Variants in CAST observed in about 807,000 individuals in gnomAD.
CAST encodes the protein MIR583 host.
CAST carries 76 observed loss-of-function variants against 119.6 expected under a neutral mutation model. That is an observed-to-expected ratio of 0.64 (90% CI 0.53 to 0.77). The LOEUF is 0.77. Ranked by LOEUF, CAST falls within the 30% of genes least tolerant of loss-of-function variation. The probability of loss-of-function intolerance (pLI) is 0.00; values close to 1 mark genes in which losing one functional copy is unlikely to be tolerated. For missense variants in CAST, 953 were observed against 946.5 expected, an observed-to-expected ratio of 1.01 and a Z score of -0.09; for synonymous variants, 319 against 331.6, an observed-to-expected ratio of 0.96 and a Z score of 0.41.
the CAST span, among the ~76,000 whole-genome samples, chr5:96,063,479 C>T: frequency 6.6e-6 from 1 of 152,266 alleles, no homozygotes; most frequent in East Asian, 1.9e-4. Flanking sequence ...TTGTGCTCCT[C>T]CATAGTTGTT....
At chr5:96,160,823 A>G in the CAST span, among the ~76,000 whole-genome samples, 6 of 152,236 alleles carry the variant, frequency 3.9e-5, no homozygotes, top group South Asian at 2.1e-4. Flanking sequence ...AGTGGTGTCT[A>G]TCTCACTGTG....
At chr5:96,547,052 A>T (rs1025786790) in intron 1 of CAST, among the ~76,000 whole-genome samples, 8 of 152,140 alleles carry the variant, frequency 5.3e-5, no homozygotes, top group African/African-American at 1.9e-4. Flanking sequence ...AGGAAAATAT[A>T]TTTTCCATGT....
intron 3 of CAST, among the ~76,000 whole-genome samples, chr5:96,700,100 G>A (rs1753709250): frequency 6.6e-6 from 1 of 152,068 alleles, no homozygotes; most frequent in African/African-American, 2.4e-5. Flanking sequence ...TGAGGGTTTG[G>A]GTTAACTCTT....
chr5:96,455,595 A>C, the CAST span, among the ~76,000 whole-genome samples: 45 of 152,286 alleles, frequency 3.0e-4, no homozygotes, highest in African/African-American at 9.9e-4. Flanking sequence ...TTTGGTGAGC[A>C]TGTCTACAGC....
chr5:96,383,842 G>C, the CAST span, among the ~76,000 whole-genome samples: 1 of 152,314 alleles, frequency 6.6e-6, no homozygotes, highest in African/African-American at 2.4e-5. Context: ...GCACTCTGTT[G>C]CAATAGCAAT....
At chr5:96,490,354 C>CTGTGTGTGTGTG in the CAST span, among the ~76,000 whole-genome samples, 162 of 149,616 alleles carry the variant, frequency 1.1e-3, no homozygotes, top group Middle Eastern at 0.01. Context: ...ATGTGTGTGT[C>CTGTGTGTGTGTG]TGTGTGTGTG....
chr5:96,289,119 A>G, the CAST span, among the ~76,000 whole-genome samples: 1 of 151,398 alleles, frequency 6.6e-6, no homozygotes, highest in South Asian at 2.1e-4. Flanking sequence ...AAAAACCCTT[A>G]GAATACTTTG....
intron 1 of CAST, among the ~76,000 whole-genome samples, chr5:96,624,742 C>A (rs1417905294): frequency 1.3e-5 from 2 of 152,086 alleles, no homozygotes; most frequent in East Asian, 1.9e-4. Context: ...GAAAGATAAA[C>A]TGGTCTCAAT....
At position 96,561,796 on chromosome 5, in the gene CAST, G is replaced by GTTTTTTTTT. The variant is rs11375615; in HGVS notation, c.60+31922_60+31930dup. On this transcript the variant is annotated intron_variant, in intron 1 of 11. Coordinates refer to the CAST transcript ENST00000505143. The stretch of plus-strand genomic sequence containing the variant: ...GTGTATTATATATATGTTTTTTTTT[G>GTTTTTTTTT]TTTTTTTTTTTTTTGAGACGGAGTC... Among the ~76,000 whole-genome samples the GTTTTTTTTT allele has an allele frequency of 1.1e-3, 106 of 97,392 alleles. 16 individuals are homozygous for GTTTTTTTTT. The highest frequency in any genetic ancestry group is 3.2e-3 in the East Asian group (9 of 2,774). 63.9% of individuals were successfully genotyped at this position (97,392 alleles called of 152,430 possible).
At chr5:96,428,591 A>T in the CAST span, among the ~76,000 whole-genome samples, 4 of 152,216 alleles carry the variant, frequency 2.6e-5, no homozygotes, top group Admixed American at 6.5e-5. Flanking sequence ...TTGAACCAAG[A>T]TACAAACTAG....
chr5:96,135,935 C>A, the CAST span, among the ~76,000 whole-genome samples: 3 of 152,072 alleles, frequency 2.0e-5, no homozygotes, highest in African/African-American at 7.2e-5. Flanking sequence ...GTGGCACACA[C>A]CTGTAGTCCC....
At chr5:96,309,264 C>T in the CAST span, among the ~76,000 whole-genome samples, 2 of 152,156 alleles carry the variant, frequency 1.3e-5, no homozygotes, top group African/African-American at 2.4e-5. Context: ...AGGGTAAAAC[C>T]GCCTACTCAA....
At chr5:96,410,971 C>G in the CAST span, 1 of 1,613,054 alleles carries the variant, frequency 6.2e-7, no homozygotes. Context: ...AAGATGGACC[C>G]CTTCCCCTGT....
the CAST span, among the ~76,000 whole-genome samples, chr5:96,360,379 G>A: frequency 1.3e-5 from 2 of 151,946 alleles, no homozygotes; most frequent in Admixed American, 6.6e-5. Context: ...TCCCTTCCTG[G>A]TGAGTAGTTG....
At chr5:96,443,185 A>T in the CAST span, among the ~76,000 whole-genome samples, 1 of 152,214 alleles carries the variant, frequency 6.6e-6, no homozygotes, top group African/African-American at 2.4e-5. Context: ...ATACATCTGT[A>T]AGGCTCTGGC....
chr5:96,488,832 G>A, the CAST span, among the ~76,000 whole-genome samples: 1 of 152,138 alleles, frequency 6.6e-6, no homozygotes, highest in African/African-American at 2.4e-5. Flanking sequence ...AATTAAAAAT[G>A]CTCATTTGGG....
chr5:96,751,630 C>T (rs866502081), intron 20 of CAST, among the ~76,000 whole-genome samples: 2 of 152,062 alleles, frequency 1.3e-5, no homozygotes, highest in East Asian at 3.8e-4. Context: ...GGTAAAGAAC[C>T]GGAGAGGAGG....
At chr5:96,741,783 T>G (rs1762744868) in intron 15 of CAST, 2 of 516,654 alleles carry the variant, frequency 3.9e-6, no homozygotes, top group Non-Finnish European at 7.1e-6. Context: ...TGTGAATGAT[T>G]TTAGCACAGT....
intron 3 of CAST, among the ~76,000 whole-genome samples, chr5:96,711,247 T>G (rs1283641644): frequency 6.6e-6 from 1 of 152,182 alleles, no homozygotes; most frequent in Non-Finnish European, 1.5e-5. Context: ...TATCCTACTA[T>G]ATATAGGTCA....
Sources: allele counts gnomAD v4.1 joint callset (sites outside exome capture counted in the v4.1 genomes callset), GRCh38; gene constraint gnomAD v4.1.1; transcripts MANE v1.5; gene names NCBI Gene and HGNC (gene_info 2026-07-23, HGNC 2026-07-21).